LRRC4C: variants seen among roughly 807,000 people sequenced by gnomAD.
LRRC4C encodes leucine-rich repeat-containing protein 4C.
Under a neutral mutation model 33.6 loss-of-function variants are expected in LRRC4C, and 5 were observed. The ratio of observed to expected loss-of-function variants is 0.15; its 90% confidence interval spans 0.08 to 0.31. The LOEUF (loss-of-function observed/expected upper bound fraction) is 0.31. LRRC4C is among the 10% of genes least tolerant of loss of function. The pLI, the probability that LRRC4C is intolerant of heterozygous loss-of-function variation, is 1.00. For synonymous variants in LRRC4C, 329 were observed against 302.0 expected (o/e 1.09, Z -0.93); for missense variants, 560 against 796.7 (o/e 0.70, Z 3.58).
At chr11:40,825,940 T>TTC (rs1952144953) in intron 2 of LRRC4C, among the ~76,000 whole-genome samples, 1 of 26,926 alleles carries the variant, frequency 3.7e-5, no homozygotes, top group Non-Finnish European at 1.0e-4. Context: ...TATTGTATTC[T>TTC]GGGGGGGGGG....
Position 41,062,930 on chromosome 11 carries a change from T to TGAGA in LRRC4C, c.-495-129211_-495-129208dup, listed in dbSNP as rs149010920. Among the ~76,000 whole-genome samples the TGAGA allele has an allele frequency of 8.7e-4, 129 of 148,394 alleles. 1 individual carries two copies. Among genetic ancestry groups the TGAGA allele is most frequent in the African/African-American group, 3.0e-3 (120 of 40,534 alleles). On this transcript the variant is annotated intron_variant, in intron 1 of 6. Coordinates refer to ENST00000528697, the MANE Select transcript of LRRC4C (RefSeq NM_001258419.2). ...AAGGATTTCTAGCAACCACCAGAAATGAGAGAGAGAGAGAGAGAGAGTGAG... is the reference window on the plus strand; with the variant it reads ...AAGGATTTCTAGCAACCACCAGAAATGAGAGAGAGAGAGAGAGAGAGAGAGTGAG...
At chr11:41,007,380 T>A (rs868376456) in intron 1 of LRRC4C, among the ~76,000 whole-genome samples, 15 of 150,652 alleles carry the variant, frequency 1.0e-4, no homozygotes, top group East Asian at 1.9e-4. Flanking sequence ...CTTTTTTTTT[T>A]AAACTTTTCA....
chr11:41,321,336 T>TA (rs879305357), intron 1 of LRRC4C, among the ~76,000 whole-genome samples: 270 of 149,588 alleles, frequency 1.8e-3, no homozygotes, highest in Middle Eastern at 7.0e-3. Flanking sequence ...CAATTCTACC[T>TA]AAAAAAAAAA....
chr11:40,563,046 C>CT (rs1301426770), intron 3 of LRRC4C, among the ~76,000 whole-genome samples: 1 of 152,028 alleles, frequency 6.6e-6, no homozygotes. Flanking sequence ...TCCTCAGGTA[C>CT]TTTCCGCAGT....
At chr11:41,258,061 G>C (rs1666866837) in intron 1 of LRRC4C, among the ~76,000 whole-genome samples, 1 of 151,934 alleles carries the variant, frequency 6.6e-6, no homozygotes, top group Admixed American at 6.6e-5. Context: ...AGATTAGTAA[G>C]TAAAGACTGA....
At chr11:41,106,255 G>A (rs1941487470) in intron 1 of LRRC4C, among the ~76,000 whole-genome samples, 2 of 152,054 alleles carry the variant, frequency 1.3e-5, no homozygotes, top group Admixed American at 1.3e-4. Context: ...ATTTGTGTGT[G>A]TGTGTGTGTG....
chr11:40,240,986 C>T (rs1198283130), intron 5 of LRRC4C, among the ~76,000 whole-genome samples: 1 of 152,132 alleles, frequency 6.6e-6, no homozygotes, highest in Non-Finnish European at 1.5e-5. Flanking sequence ...TTAACTAAAA[C>T]TTTAGGCTTC....
At chr11:41,094,132 G>A (rs2135564253) in intron 1 of LRRC4C, among the ~76,000 whole-genome samples, 1 of 148,578 alleles carries the variant, frequency 6.7e-6, no homozygotes, top group Non-Finnish European at 1.5e-5. Context: ...AAAAAAAAAA[G>A]TGACAGACTT....
At chr11:40,828,933 A>G (rs1565108424) in intron 2 of LRRC4C, among the ~76,000 whole-genome samples, 2 of 152,046 alleles carry the variant, frequency 1.3e-5, no homozygotes, top group South Asian at 2.1e-4. Flanking sequence ...TCTTTTTTCT[A>G]GGATGTAAGT....
intron 1 of LRRC4C, among the ~76,000 whole-genome samples, chr11:41,126,492 A>G (rs1942748573): frequency 2.0e-5 from 3 of 152,002 alleles, no homozygotes; most frequent in African/African-American, 7.2e-5. Flanking sequence ...GGGTCTCACC[A>G]GAAAGTCAAA....
chr11:41,193,995 C>T (rs1472271549), intron 1 of LRRC4C, among the ~76,000 whole-genome samples: 2 of 151,934 alleles, frequency 1.3e-5, no homozygotes, highest in Admixed American at 1.3e-4. Flanking sequence ...TCCTCCATCT[C>T]TTCTGCCAGT....
intron 2 of LRRC4C, among the ~76,000 whole-genome samples, chr11:40,734,078 T>C (rs2136822493): frequency 6.6e-6 from 1 of 152,258 alleles, no homozygotes; most frequent in Non-Finnish European, 1.5e-5. Context: ...ATTACAATTG[T>C]CAGAAAACTA....
At chr11:41,170,973 C>T (rs1360080573) in intron 1 of LRRC4C, among the ~76,000 whole-genome samples, 1 of 152,056 alleles carries the variant, frequency 6.6e-6, no homozygotes, top group Non-Finnish European at 1.5e-5. Flanking sequence ...CAAAAGAAGA[C>T]ATTTATGCAG....
chr11:41,023,155 T>C (rs1321485580), intron 1 of LRRC4C, among the ~76,000 whole-genome samples: 1 of 151,862 alleles, frequency 6.6e-6, no homozygotes, highest in Non-Finnish European at 1.5e-5. Context: ...GCCCTGGCCC[T>C]GTCTTTTACT....
intron 1 of LRRC4C, among the ~76,000 whole-genome samples, chr11:41,438,415 G>C (rs1474931701): frequency 6.6e-6 from 1 of 152,072 alleles, no homozygotes; most frequent in Non-Finnish European, 1.5e-5. Context: ...CCAACAAAAA[G>C]CTGAGATGGA....
At chr11:40,580,705 A>T (rs1051060220) in intron 3 of LRRC4C, among the ~76,000 whole-genome samples, 1 of 152,356 alleles carries the variant, frequency 6.6e-6, no homozygotes, top group African/African-American at 2.4e-5. Flanking sequence ...CAAATCAGGA[A>T]TAGCTCATTA....
rs111231742 is a variant in LRRC4C at position 40,787,304 on chromosome 11, A to T, written c.-406-139026T>A. ...GAACAGAGGGAACAAGGGAGGAGAA[A>T]GGGATCTGACTAGTCTCACTGTTGG... is the stretch of plus-strand genomic sequence containing the variant. On this transcript the variant is annotated intron_variant, in intron 2 of 6. Coordinates refer to ENST00000528697, the MANE Select transcript of LRRC4C (RefSeq NM_001258419.2). Among the ~76,000 whole-genome samples the T allele has an allele frequency of 1.8e-3, 273 of 152,278 alleles. 2 individuals are homozygous for T. The highest frequency in any genetic ancestry group is 6.5e-3 in the African/African-American group (270 of 41,546).
chr11:40,784,954 T>G (rs1242582156), intron 2 of LRRC4C, among the ~76,000 whole-genome samples: 1 of 152,118 alleles, frequency 6.6e-6, no homozygotes, highest in Admixed American at 6.6e-5. Flanking sequence ...TGTTTGGGAC[T>G]TTTTCAAAAG....
At chr11:40,526,805 G>A (rs912504001) in intron 3 of LRRC4C, among the ~76,000 whole-genome samples, 2 of 152,054 alleles carry the variant, frequency 1.3e-5, no homozygotes, top group South Asian at 2.1e-4. Flanking sequence ...CAACAGTAAA[G>A]AGCATTTTAA....
Sources: gnomAD v4.1 joint callset for allele counts (sites outside exome capture counted in the v4.1 genomes callset) on GRCh38, gnomAD v4.1.1 for gene constraint, MANE v1.5 for transcripts, NCBI Gene and HGNC (gene_info 2026-07-23, HGNC 2026-07-21) for gene names.